PRDM16: variants seen among roughly 807,000 people sequenced by gnomAD.
PRDM16 encodes the protein PR/SET domain 16.
PRDM16 carries 23 observed loss-of-function variants against 110.6 expected under a neutral mutation model. That is an observed-to-expected ratio of 0.21 (90% CI 0.15 to 0.29). The LOEUF (loss-of-function observed/expected upper bound fraction) is 0.29, where lower values mean the gene tolerates loss of function less well. Among genes scored for constraint, PRDM16 ranks in the 10% least tolerant of loss-of-function variants. The pLI, the probability that PRDM16 is intolerant of heterozygous loss-of-function variation, is 1.00. For missense variants in PRDM16, 1,615 were observed against 1,794.3 expected (o/e 0.90, Z 1.81); for synonymous variants, 799 against 781.8 (o/e 1.02, Z -0.37).
At chr1:3,363,438 CG>C (rs1211910779) in intron 3 of PRDM16, among the ~76,000 whole-genome samples, 1 of 152,166 alleles carries the variant, frequency 6.6e-6, no homozygotes, top group African/African-American at 2.4e-5. Flanking sequence ...CCTGGATGCT[CG>C]GGGCCGAGGG....
At chr1:3,311,481 A>T (rs1641459779) in intron 3 of PRDM16, among the ~76,000 whole-genome samples, 1 of 152,188 alleles carries the variant, frequency 6.6e-6, no homozygotes, top group South Asian at 2.1e-4. Flanking sequence ...CAGCAGGCAA[A>T]TCTCAGGGTA....
At chr1:3,232,032 T>G (rs550397960) in intron 2 of PRDM16, among the ~76,000 whole-genome samples, 1 of 152,240 alleles carries the variant, frequency 6.6e-6, no homozygotes, top group Non-Finnish European at 1.5e-5. Flanking sequence ...TTGGTGACGC[T>G]CTGCCTCCCG....
intron 1 of PRDM16, among the ~76,000 whole-genome samples, chr1:3,092,941 G>C (rs952506400): frequency 6.6e-6 from 1 of 152,048 alleles, no homozygotes; most frequent in African/African-American, 2.4e-5. Flanking sequence ...CTGCTACCTC[G>C]GGCCCCTGGG....
At chr1:3,369,688 G>A (rs1018425472) in intron 3 of PRDM16, among the ~76,000 whole-genome samples, 1 of 152,210 alleles carries the variant, frequency 6.6e-6, no homozygotes, top group Non-Finnish European at 1.5e-5. Flanking sequence ...GGAAAAGCAT[G>A]TCTCTCTCAA....
chr1:3,360,722 C>G (rs997504558), intron 3 of PRDM16, among the ~76,000 whole-genome samples: 3 of 152,202 alleles, frequency 2.0e-5, no homozygotes, highest in Non-Finnish European at 4.4e-5. Flanking sequence ...GCACAGGGCC[C>G]AGCACGCCCA....
chr1:3,139,781 G>A (rs539317939), intron 1 of PRDM16, among the ~76,000 whole-genome samples: 5 of 152,238 alleles, frequency 3.3e-5, no homozygotes, highest in African/African-American at 4.8e-5. Flanking sequence ...AGCTGCTCCC[G>A]TCAAAGGGAA....
intron 1 of PRDM16, among the ~76,000 whole-genome samples, chr1:3,089,557 C>A (rs1243893355): frequency 6.6e-6 from 1 of 152,236 alleles, no homozygotes; most frequent in Non-Finnish European, 1.5e-5. Flanking sequence ...GCCAGAAAAC[C>A]AATATTGTTT....
intron 1 of PRDM16, among the ~76,000 whole-genome samples, chr1:3,161,004 G>C (rs1464290493): frequency 6.6e-6 from 1 of 152,154 alleles, no homozygotes; most frequent in Non-Finnish European, 1.5e-5. Context: ...CCTGAAATGG[G>C]GGGAAAAGGC....
intron 3 of PRDM16, among the ~76,000 whole-genome samples, chr1:3,336,652 G>C (rs112680159): frequency 0.013 from 1,682 of 125,520 alleles, 42 homozygotes; most frequent in African/African-American, 0.049. Flanking sequence ...TGGAGTGAGT[G>C]TGTGTATGTG....
Position 3,426,125 on chromosome 1 carries a change from C to T in PRDM16, c.3184C>T (p.His1062Tyr), listed in dbSNP as rs1638597972. 4 of 1,614,012 alleles carry T rather than the reference C, an allele frequency of 2.5e-6. No homozygotes were observed. The African/African-American group carries it at 5.3e-5, about 22-fold the overall frequency. Reference sequence around the variant, plus strand: ...CTCTCCCACCTCAGAGTCGGACAACCACGCACTTTTAGACGAGAAAGAAGA... The same window carrying T: ...CTCTCCCACCTCAGAGTCGGACAACTACGCACTTTTAGACGAGAAAGAAGA... ...ASSPTSESDN[H>Y]ALLDEKEDSY... Residue 1062 changes from histidine (H) to tyrosine (Y), a missense_variant, in exon 14 of 17, where the codon CAC becomes TAC. Coordinates refer to ENST00000270722, the MANE Select transcript of PRDM16 (RefSeq NM_022114.4).
intron 3 of PRDM16, among the ~76,000 whole-genome samples, chr1:3,331,364 A>T (rs1054368044): frequency 6.6e-6 from 1 of 152,098 alleles, no homozygotes; most frequent in Non-Finnish European, 1.5e-5. Context: ...TCCATTGATG[A>T]ATGGACCCTC....
Position 3,411,680 on chromosome 1 carries a change from C to T in PRDM16, c.1483C>T (p.Pro495Ser). ...FNEYFPSRPH[P>S]GSLPFSTAPP... ...CGAGTACTTTCCCTCCAGGCCGCAC[C>T]CGGGGAGCCTGCCCTTCTCCACGGC... Residue 495 changes from proline (P) to serine (S), a missense_variant, in exon 9 of 17, where the codon CCG (proline) becomes TCG (serine). Physicochemically the swap from Pro to Ser is moderately conservative, Grantham distance 74. Coordinates refer to ENST00000270722, the MANE Select transcript of PRDM16 (RefSeq NM_022114.4). The T allele has an allele frequency of 1.2e-6, 2 of 1,611,360 alleles. No homozygotes were observed. The highest frequency in any genetic ancestry group is 1.7e-6 in the Non-Finnish European group (2 of 1,178,218).
intron 1 of PRDM16, among the ~76,000 whole-genome samples, chr1:3,102,187 T>C (rs965165214): frequency 3.3e-5 from 5 of 151,954 alleles, no homozygotes; most frequent in African/African-American, 1.2e-4. Context: ...GGGCAGTGAG[T>C]CCAGCCGCAC....
chr1:3,222,102 G>A (rs558203915), intron 2 of PRDM16, among the ~76,000 whole-genome samples: 1 of 152,198 alleles, frequency 6.6e-6, no homozygotes, highest in East Asian at 1.9e-4. Context: ...GGGAAGGAGG[G>A]GCTGTTGCAG....
intron 3 of PRDM16, among the ~76,000 whole-genome samples, chr1:3,344,376 A>G (rs1557622855): frequency 6.6e-6 from 1 of 151,404 alleles, no homozygotes; most frequent in Non-Finnish European, 1.5e-5. Flanking sequence ...CTGTTTTGGA[A>G]TTTTCTTTTG....
intron 9 of PRDM16, among the ~76,000 whole-genome samples, chr1:3,413,965 C>G (rs1326286147): frequency 1.3e-5 from 2 of 152,180 alleles, no homozygotes; most frequent in African/African-American, 2.4e-5. Context: ...CTGCAGGAAG[C>G]CCCTGGTGAC....
intron 1 of PRDM16, among the ~76,000 whole-genome samples, chr1:3,145,996 G>A (rs1250160107): frequency 2.0e-5 from 3 of 152,302 alleles, no homozygotes; most frequent in South Asian, 2.1e-4. Flanking sequence ...ACGCCTCACC[G>A]CGGGTATCAG....
At chr1:3,154,063 C>T (rs1330295545) in intron 1 of PRDM16, among the ~76,000 whole-genome samples, 1 of 152,174 alleles carries the variant, frequency 6.6e-6, no homozygotes, top group Non-Finnish European at 1.5e-5. Context: ...TGCACTCTCC[C>T]AATCTGCGGC....
In PRDM16 at chr1:3,186,214, A is replaced by T; in HGVS notation, c.127A>T (p.Met43Leu). Residue 43 changes from methionine to leucine, a missense_variant, in exon 2 of 17, where the codon ATG becomes TTG. Physicochemically the swap from Met to Leu is conservative, Grantham distance 15. This residue lies in a region of PRDM16 where 416 missense variants were observed against 467.1 expected (regional missense o/e 0.89). Coordinates refer to ENST00000270722, the MANE Select transcript of PRDM16 (RefSeq NM_022114.4). ...SAEDEAEDSAMSPIPVGPPSP... is the reference protein window; with the variant it reads ...SAEDEAEDSALSPIPVGPPSP... Reference sequence around the variant, plus strand: ...GGAGGACGAGGCCGAGGACAGTGCCATGTCGCCCATCCCCGTGGGGCCACC... The same window carrying T: ...GGAGGACGAGGCCGAGGACAGTGCCTTGTCGCCCATCCCCGTGGGGCCACC... 1 of 1,612,786 alleles carries T rather than the reference A, an allele frequency of 6.2e-7. No homozygotes were observed. Among genetic ancestry groups the T allele is most frequent in the East Asian group, 2.2e-5 (1 of 44,880 alleles).
Sources: gnomAD v4.1 joint callset for allele counts (sites outside exome capture counted in the v4.1 genomes callset) on GRCh38, gnomAD v4.1.1 for gene constraint, gnomAD v4.1.1 regional missense constraint, MANE v1.5 for transcripts, NCBI Gene and HGNC (gene_info 2026-07-23, HGNC 2026-07-21) for gene names.